LURAP1L: variants seen among roughly 807,000 people sequenced by gnomAD.
LURAP1L encodes the protein leucine rich adaptor protein 1-like.
Under a neutral mutation model 13.8 loss-of-function variants are expected in LURAP1L, and 12 were observed. That is an observed-to-expected ratio of 0.87 (90% CI 0.56 to 1.41). The LOEUF (loss-of-function observed/expected upper bound fraction) is 1.41. Ranked by LOEUF, LURAP1L falls within the 40% of genes most tolerant of loss-of-function variation. The pLI is 0.00. For missense variants in LURAP1L, 375 were observed against 292.9 expected, an observed-to-expected ratio of 1.28 and a Z score of -2.04; for synonymous variants, 139 against 119.2, an observed-to-expected ratio of 1.17 and a Z score of -1.08.
chr9:12,809,517 G>T (rs868786284), intron 1 of LURAP1L, among the ~76,000 whole-genome samples: 10 of 151,990 alleles, frequency 6.6e-5, no homozygotes, highest in Non-Finnish European at 1.3e-4. Flanking sequence ...TTACTCACTT[G>T]TTCTTGCACT....
At chr9:12,801,295 T>G (rs1819582292) in intron 1 of LURAP1L, among the ~76,000 whole-genome samples, 1 of 151,056 alleles carries the variant, frequency 6.6e-6, no homozygotes, top group African/African-American at 2.4e-5. Flanking sequence ...ATTAGGATAT[T>G]ATGTTAAATG....
intron 1 of LURAP1L, among the ~76,000 whole-genome samples, chr9:12,786,391 C>T (rs113417585): frequency 1.3e-5 from 2 of 151,346 alleles, no homozygotes; most frequent in East Asian, 1.9e-4. Context: ...TTAATCAGAA[C>T]ATTGCATTCT....
intron 1 of LURAP1L, among the ~76,000 whole-genome samples, chr9:12,796,607 C>G (rs1586880493): frequency 6.6e-6 from 1 of 152,030 alleles, no homozygotes; most frequent in Admixed American, 6.6e-5. Flanking sequence ...AATTTATAAG[C>G]TGGAGGAATA....
At position 12,797,793 on chromosome 9, in the gene LURAP1L, A is replaced by G. The variant is rs1049705017; in HGVS notation, c.312+21766A>G. On this transcript the variant is annotated intron_variant, in intron 1 of 1. Transcript: ENST00000319264. ...CAAATTCATATCCAAGGGAAAACAT[A>G]TAATTTGACATTCTCTTTGCTAATT... is the stretch of plus-strand genomic sequence containing the variant. 7.2e-5 allele frequency among the ~76,000 whole-genome samples: 11 copies of G among 152,178 alleles called. No homozygotes were observed. The South Asian group carries it at 2.3e-3, about 31-fold the overall frequency.
At chr9:12,790,406 T>A (rs1737853766) in intron 1 of LURAP1L, among the ~76,000 whole-genome samples, 1 of 152,150 alleles carries the variant, frequency 6.6e-6, no homozygotes, top group African/African-American at 2.4e-5. Context: ...CTGCTTCTAT[T>A]TTTTTGTGTT....
At chr9:12,797,819 A>G (rs1405881818) in intron 1 of LURAP1L, among the ~76,000 whole-genome samples, 1 of 152,208 alleles carries the variant, frequency 6.6e-6, no homozygotes, top group Non-Finnish European at 1.5e-5. Context: ...TTTGCTAATT[A>G]TAGGGCAAAC....
intron 1 of LURAP1L, among the ~76,000 whole-genome samples, chr9:12,778,359 G>C (rs1191161832): frequency 6.6e-6 from 1 of 152,142 alleles, no homozygotes; most frequent in Admixed American, 6.5e-5. Flanking sequence ...ACAAGTTATA[G>C]AACCACTTTG....
At chr9:12,793,664 A>G (rs1235486848) in intron 1 of LURAP1L, among the ~76,000 whole-genome samples, 1 of 152,100 alleles carries the variant, frequency 6.6e-6, no homozygotes, top group Admixed American at 6.6e-5. Flanking sequence ...AAAAATTTTG[A>G]GAAGATCTTA....
chr9:12,786,924 C>T (rs138229323), intron 1 of LURAP1L, among the ~76,000 whole-genome samples: 1 of 151,996 alleles, frequency 6.6e-6, no homozygotes, highest in Non-Finnish European at 1.5e-5. Flanking sequence ...TTGGACCCAT[C>T]ATTTCATTTG....
At chr9:12,802,213 C>T (rs895169696) in intron 1 of LURAP1L, among the ~76,000 whole-genome samples, 9 of 152,250 alleles carry the variant, frequency 5.9e-5, no homozygotes, top group Admixed American at 6.5e-5. Flanking sequence ...CTAATAAAGC[C>T]TCTAAGCTAT....
At chr9:12,818,596 A>T (rs1392924245) in intron 1 of LURAP1L, among the ~76,000 whole-genome samples, 1 of 152,230 alleles carries the variant, frequency 6.6e-6, no homozygotes, top group Non-Finnish European at 1.5e-5. Flanking sequence ...ATAAGCTAAC[A>T]GGACGGTAGT....
At chr9:12,803,637 C>G (rs1042738637) in intron 1 of LURAP1L, among the ~76,000 whole-genome samples, 6 of 152,096 alleles carry the variant, frequency 3.9e-5, no homozygotes, top group African/African-American at 1.2e-4. Flanking sequence ...GTAAAATTGT[C>G]TACATTAATT....
chr9:12,799,873 CA>C (rs58987082), intron 1 of LURAP1L, among the ~76,000 whole-genome samples: 5,465 of 82,500 alleles, frequency 0.066, 194 homozygotes, highest in African/African-American at 0.18. Context: ...GACTCCGTCT[CA>C]AAAAAAAAAA....
intron 1 of LURAP1L, among the ~76,000 whole-genome samples, chr9:12,795,734 T>C (rs932202096): frequency 6.6e-6 from 1 of 152,082 alleles, no homozygotes; most frequent in African/African-American, 2.4e-5. Flanking sequence ...TCGTCTTGTA[T>C]TTTGGCACAC....
Position 12,775,500 on chromosome 9 carries a change from A to G in LURAP1L, c.-216A>G. ...ATCATCTTAGTGTCGGAGGAGTCGC[A>G]GCGGACTGGGAACTGCAGCTGCGAC... On this transcript the variant is annotated 5_prime_UTR_variant, in exon 1 of 2. Transcript: ENST00000319264. The G allele has an allele frequency of 3.4e-6, 2 of 588,630 alleles. No homozygotes were observed. The highest frequency in any genetic ancestry group is 5.4e-6 in the Non-Finnish European group (2 of 368,036). The allele number at this position is 588,630 out of a possible 1,614,324, so 36.5% of individuals were successfully genotyped here.
At chr9:12,807,538 A>G (rs1819676588) in intron 1 of LURAP1L, among the ~76,000 whole-genome samples, 1 of 152,160 alleles carries the variant, frequency 6.6e-6, no homozygotes, top group Admixed American at 6.5e-5. Flanking sequence ...ATTTTCCTTC[A>G]CCTGCATAGT....
intron 1 of LURAP1L, among the ~76,000 whole-genome samples, chr9:12,786,015 T>C (rs1819345323): frequency 6.6e-6 from 1 of 152,350 alleles, no homozygotes; most frequent in Middle Eastern, 3.4e-3. Flanking sequence ...GACATAATGT[T>C]GATATGTTTG....
At chr9:12,786,585 C>G (rs1361055650) in intron 1 of LURAP1L, among the ~76,000 whole-genome samples, 3 of 21,902 alleles carry the variant, frequency 1.4e-4, no homozygotes, top group Admixed American at 3.5e-4. Flanking sequence ...TATATATAAA[C>G]CCTTGTGCCT....
chr9:12,813,014 A>G (rs1199279128), intron 1 of LURAP1L, among the ~76,000 whole-genome samples: 5 of 152,172 alleles, frequency 3.3e-5, no homozygotes, highest in Non-Finnish European at 5.9e-5. Flanking sequence ...TGGAAAAGAT[A>G]AGATTACCTT....
Sources: allele counts gnomAD v4.1 joint callset (sites outside exome capture counted in the v4.1 genomes callset), GRCh38; gene constraint gnomAD v4.1.1; transcripts MANE v1.5; gene names NCBI Gene and HGNC (gene_info 2026-07-23, HGNC 2026-07-21).